The following PRR16 variants were observed in gnomAD, a reference collection of about 807,000 sequenced individuals.
PRR16 encodes proline rich 16.
PRR16 carries 6 observed loss-of-function variants against 18.2 expected under a neutral mutation model. That is an observed-to-expected ratio of 0.33 (90% CI 0.18 to 0.65). The LOEUF (loss-of-function observed/expected upper bound fraction) is 0.65, where lower values mean the gene tolerates loss of function less well. PRR16 is among the 30% of genes least tolerant of loss of function. PRR16 has a pLI of 0.74. For missense variants in PRR16, 412 were observed against 376.6 expected, an observed-to-expected ratio of 1.09 and a Z score of -0.78; for synonymous variants, 151 against 147.8, an observed-to-expected ratio of 1.02 and a Z score of -0.16.
intron 1 of PRR16, among the ~76,000 whole-genome samples, chr5:120,524,817 T>G (rs1214050923): frequency 6.6e-6 from 1 of 152,104 alleles, no homozygotes; most frequent in African/African-American, 2.4e-5. Context: ...ACACCTACTA[T>G]GTACCCACAC....
At chr5:120,642,521 T>C (rs1755457186) in intron 1 of PRR16, among the ~76,000 whole-genome samples, 1 of 152,034 alleles carries the variant, frequency 6.6e-6, no homozygotes, top group Non-Finnish European at 1.5e-5. Context: ...TATAAAAAAA[T>C]GTATAAACTG....
the PRR16 span, among the ~76,000 whole-genome samples, chr5:120,720,564 A>T: frequency 1.6e-3 from 242 of 152,088 alleles, 1 homozygote; most frequent in African/African-American, 4.9e-3. Context: ...GGCTTTATCA[A>T]TTTATAGTAT....
the PRR16 span, among the ~76,000 whole-genome samples, chr5:120,779,334 A>G: frequency 6.6e-6 from 1 of 152,220 alleles, no homozygotes. Context: ...ACAGTTCACA[A>G]TCATTATCAT....
the PRR16 span, among the ~76,000 whole-genome samples, chr5:120,786,388 G>A: frequency 1.3e-5 from 2 of 151,830 alleles, no homozygotes; most frequent in South Asian, 2.1e-4. Context: ...TCTGGTTTGG[G>A]AGGGCTGCTT....
chr5:120,618,428 C>A, intron 1 of PRR16: 1 of 945,930 alleles, frequency 1.1e-6, no homozygotes, highest in Non-Finnish European at 1.3e-6. Flanking sequence ...AGTAATTATA[C>A]TGTTTTTTAA....
chr5:120,645,441 T>A (rs10074952), intron 1 of PRR16, among the ~76,000 whole-genome samples: 8,644 of 149,848 alleles, frequency 0.058, 303 homozygotes, highest in South Asian at 0.083. Context: ...TTATTTTAGT[T>A]GAAGTGCAAC....
chr5:120,755,133 A>G, the PRR16 span, among the ~76,000 whole-genome samples: 4 of 152,046 alleles, frequency 2.6e-5, no homozygotes, highest in African/African-American at 9.7e-5. Flanking sequence ...TGGCACATGG[A>G]TACATATGTA....
At chr5:120,744,987 C>A in the PRR16 span, among the ~76,000 whole-genome samples, 343 of 152,268 alleles carry the variant, frequency 2.3e-3, 5 homozygotes, top group African/African-American at 7.6e-3. Flanking sequence ...TTTCAAGGAA[C>A]ACCTATGAAT....
At chr5:120,522,184 C>T (rs908521543) in intron 1 of PRR16, among the ~76,000 whole-genome samples, 3 of 152,134 alleles carry the variant, frequency 2.0e-5, no homozygotes, top group African/African-American at 7.2e-5. Context: ...TGGGTATATA[C>T]CCAGTAATGA....
At chr5:120,618,128 C>A (rs997999274) in intron 1 of PRR16, among the ~76,000 whole-genome samples, 1 of 151,956 alleles carries the variant, frequency 6.6e-6, no homozygotes, top group Non-Finnish European at 1.5e-5. Flanking sequence ...CTGAAAGATG[C>A]CATGATTAGT....
chr5:120,747,275 C>A, the PRR16 span, among the ~76,000 whole-genome samples: 1 of 152,126 alleles, frequency 6.6e-6, no homozygotes, highest in Non-Finnish European at 1.5e-5. Flanking sequence ...GATTAACTGA[C>A]CTACTAGCCA....
chr5:120,648,096 C>A (rs1297833045), intron 1 of PRR16, among the ~76,000 whole-genome samples: 1 of 151,964 alleles, frequency 6.6e-6, no homozygotes, highest in African/African-American at 2.4e-5. Context: ...TATAGAACTT[C>A]TCTGAGTATT....
At chr5:120,476,348 A>G (rs1000131402) in intron 1 of PRR16, among the ~76,000 whole-genome samples, 3 of 152,100 alleles carry the variant, frequency 2.0e-5, no homozygotes, top group South Asian at 2.1e-4. Context: ...TATTATCACA[A>G]TATTTTACCC....
intron 1 of PRR16, among the ~76,000 whole-genome samples, chr5:120,656,771 A>G (rs904906925): frequency 2.0e-5 from 3 of 151,984 alleles, no homozygotes; most frequent in Non-Finnish European, 4.4e-5. Flanking sequence ...TTTGTGCTTA[A>G]TGTTTCTGTA....
chr5:120,664,391 A>C (rs146288850), intron 1 of PRR16, among the ~76,000 whole-genome samples: 5 of 152,048 alleles, frequency 3.3e-5, no homozygotes, highest in African/African-American at 1.2e-4. Context: ...CCTGGGAAGC[A>C]TGGCCATATG....
chr5:120,686,619 C>T lies in PRR16; in HGVS notation c.825C>T (p.Phe275=). ...TGGGAATAAGCCACAGTAACAGCTT[C>T]CCCCCTATCAGACCTGCAACTGTGC... The part of the protein sequence containing the change: ...GGMGISHSNS[F]PPIRPATVPP... The change falls in exon 2 of 2, where the codon TTC becomes TTT. Residue 275 remains phenylalanine, a synonymous_variant. Transcript: ENST00000407149. 1 of 1,611,628 alleles carries T rather than the reference C, an allele frequency of 6.2e-7. No individual in the cohort carries two copies.
rs114703484 is a variant in PRR16, at chr5:120,583,038, T to C, written c.160-102916T>C. 8.1e-3 allele frequency among the ~76,000 whole-genome samples: 1,233 copies of C among 152,342 alleles called. 23 individuals carry two copies. Among genetic ancestry groups the C allele is most frequent in the African/African-American group, 0.027 (1,143 of 41,578 alleles). ...GGTGGGGCCCTGCTGTGGCTTTTAA[T>C]TGGAAGGCCCATGTGGGGCATCTTC... On this transcript the variant is annotated intron_variant, in intron 1 of 1. Transcript: ENST00000407149.
At chr5:120,489,001 A>C (rs1238123608) in intron 1 of PRR16, among the ~76,000 whole-genome samples, 2 of 152,262 alleles carry the variant, frequency 1.3e-5, no homozygotes, top group East Asian at 1.9e-4. Context: ...GTTTGATTGC[A>C]CTGTGGTCTG....
downstream of PRR16, among the ~76,000 whole-genome samples, chr5:120,689,160 T>G (rs531734924): frequency 6.6e-6 from 1 of 152,298 alleles, no homozygotes; most frequent in African/African-American, 2.4e-5. Context: ...ACAGCACTCT[T>G]AGGACTTATT....
Sources: gnomAD v4.1 joint callset for allele counts (sites outside exome capture counted in the v4.1 genomes callset) on GRCh38, gnomAD v4.1.1 for gene constraint, MANE v1.5 for transcripts, NCBI Gene and HGNC (gene_info 2026-07-23, HGNC 2026-07-21) for gene names.